Variants in C4BPA observed in about 807,000 individuals in gnomAD.
C4BPA encodes C4b-binding protein alpha chain.
In C4BPA, 31 loss-of-function variants were observed where a neutral mutation model predicts 63.7. That is an observed-to-expected ratio of 0.49 (90% CI 0.37 to 0.66). The LOEUF is 0.66. C4BPA is among the 30% of genes least tolerant of loss of function. The pLI is 0.00. For missense variants in C4BPA, 572 were observed against 723.3 expected, an observed-to-expected ratio of 0.79 and a Z score of 2.40; for synonymous variants, 259 against 254.7, an observed-to-expected ratio of 1.02 and a Z score of -0.16.
rs2808469 is a variant in C4BPA, at chr1:207,112,350, G to A, written c.-25-651G>A. Among the ~76,000 whole-genome samples the A allele has an allele frequency of 4.8e-4, 55 of 114,196 alleles. No individual in the cohort carries two copies. In the Middle Eastern group the frequency reaches 0.013, roughly 28 times the overall value. 74.9% of individuals were successfully genotyped at this position (114,196 alleles called of 152,430 possible). On this transcript the variant is annotated intron_variant, in intron 1 of 11. Transcript: ENST00000367070. ...TATCCCATCATTTTCCTGCCTTTTT[G>A]TTTTTTTTTTTTTTTTTTATGTTTG...
At chr1:207,123,129 A>G (rs1393932791) in intron 4 of C4BPA, among the ~76,000 whole-genome samples, 1 of 152,248 alleles carries the variant, frequency 6.6e-6, no homozygotes, top group Non-Finnish European at 1.5e-5. Context: ...CCATTGAAAC[A>G]ACCAGAAACA....
At position 207,144,565 on chromosome 1, in the gene C4BPA, C is replaced by T; in HGVS notation, c.1642C>T (p.Gln548Ter). Reference sequence around the variant, plus strand: ...TTAGGAGACCCCCGAAGGCTGTGAACAAGTGCTCACAGGCAAAAGACTCAT... The same window carrying T: ...TTAGGAGACCCCCGAAGGCTGTGAATAAGTGCTCACAGGCAAAAGACTCAT... ...CEWETPEGCE[Q>*]VLTGKRLMQC... Residue 548 changes from glutamine (Q) to a stop codon, truncating the protein, a stop_gained, in exon 12 of 12, where the codon CAA (glutamine) becomes TAA (stop). Transcript: ENST00000367070. LOFTEE classifies it low-confidence loss of function (END_TRUNC). 1 of 1,611,660 alleles carries T rather than the reference C, an allele frequency of 6.2e-7. No individual in the cohort carries two copies. The highest frequency in any genetic ancestry group is 8.5e-7 in the Non-Finnish European group (1 of 1,179,344).
At position 207,117,244 on chromosome 1, in the gene C4BPA, G is replaced by A. The variant is rs1684817329; in HGVS notation, c.428+1729G>A. On this transcript the variant is annotated intron_variant, in intron 4 of 11. Coordinates refer to ENST00000367070, the MANE Select transcript of C4BPA (RefSeq NM_000715.4). ...GTGGGAAGATCTCTTGAGTCCAGGAGTTCGAGACCAGCCCGGGCAACACAG... is the reference window on the plus strand; with the variant it reads ...GTGGGAAGATCTCTTGAGTCCAGGAATTCGAGACCAGCCCGGGCAACACAG... 3.3e-5 allele frequency among the ~76,000 whole-genome samples: 5 copies of A among 152,186 alleles called. No individual in the cohort carries two copies. In the South Asian group the frequency reaches 1.0e-3, roughly 31 times the overall value.
intron 9 of C4BPA, among the ~76,000 whole-genome samples, chr1:207,137,729 T>G (rs1049653735): frequency 6.6e-6 from 1 of 152,166 alleles, no homozygotes; most frequent in African/African-American, 2.4e-5. Context: ...GAGATTCTTG[T>G]GCCTCAGCCT....
intron 9 of C4BPA, among the ~76,000 whole-genome samples, chr1:207,136,751 G>C (rs1685287869): frequency 6.6e-6 from 1 of 152,126 alleles, no homozygotes; most frequent in African/African-American, 2.4e-5. Flanking sequence ...GAAAACATTA[G>C]AGGAATTGGA....
chr1:207,126,587 T>C, intron 6 of C4BPA, 126 bp from the exon 7 acceptor site: 1 of 611,346 alleles, frequency 1.6e-6, no homozygotes, highest in Non-Finnish European at 2.9e-6. Context: ...GTTTCCCTTG[T>C]ATCTACTTGA....
At position 207,113,145 on chromosome 1, in the gene C4BPA, T is replaced by C. The variant is rs761907282; in HGVS notation, c.120T>C (p.Ala40=). The C allele has an allele frequency of 3.1e-6, 5 of 1,610,894 alleles. No individual in the cohort carries two copies. In the African/African-American group the frequency reaches 4.0e-5, roughly 13 times the overall value. Residue 40 remains alanine (A), a synonymous_variant, in exon 2 of 12, where the codon GCT becomes GCC. Coordinates refer to ENST00000367070, the MANE Select transcript of C4BPA (RefSeq NM_000715.4). ...DPILFQMTLI[A]ALLPAVLGNC... ...TTCTCTTCCAAATGACCTTGATCGC[T>C]GCTCTGTTGCCTGCTGTTCTTGGTG...
intron 1 of C4BPA, 115 bp from the exon 2 acceptor site, chr1:207,112,886 G>T: frequency 1.0e-5 from 10 of 999,354 alleles, no homozygotes; most frequent in Middle Eastern, 3.2e-4. Context: ...TTTTTGTTTT[G>T]TTTCCACTCC....
chr1:207,124,820 A>G (rs1267663736), intron 6 of C4BPA, among the ~76,000 whole-genome samples: 1 of 152,156 alleles, frequency 6.6e-6, no homozygotes, highest in Non-Finnish European at 1.5e-5. Context: ...CCTGGCTAAG[A>G]GCTTTGGCCT....
rs1685059418 is a variant in C4BPA, at chr1:207,126,973, T to C, written c.889+78T>C. 4 of 953,332 alleles carry C rather than the reference T, an allele frequency of 4.2e-6. No homozygotes were observed. The South Asian group carries it at 5.2e-5, about 12-fold the overall frequency. The allele number at this position is 953,332 out of a possible 1,614,324, so 59.1% of individuals were successfully genotyped here. A position where few individuals can be genotyped will look rare whatever the true frequency, so the allele number is the denominator to read the frequency against. On this transcript the variant is annotated intron_variant, in intron 7 of 11. Transcript: ENST00000367070. ...TACTGTTAATACGGGTATACTTGCA[T>C]GCATAGGCCTACTATGAATTACAGT...
chr1:207,113,974 A>G (rs745859870), intron 2 of C4BPA, 126 bp from the exon 3 acceptor site: 10 of 736,364 alleles, frequency 1.4e-5, no homozygotes, highest in Non-Finnish European at 1.6e-5. Flanking sequence ...AGGAGTTATG[A>G]TTTTTCTTGA....
chr1:207,116,495 AGTGTGTGTGTGTGTGTGTATAT>A (rs1281888545), intron 4 of C4BPA, among the ~76,000 whole-genome samples: 5 of 124,506 alleles, frequency 4.0e-5, no homozygotes, highest in South Asian at 2.8e-4. Flanking sequence ...CTTTTCCCAC[AGTGTGTGTGTGTGTGTGTATAT>A]GTGTGTGTGT....
At chr1:207,124,693 T>C (rs1307950469) in intron 6 of C4BPA, among the ~76,000 whole-genome samples, 1 of 152,380 alleles carries the variant, frequency 6.6e-6, no homozygotes, top group East Asian at 1.9e-4. Context: ...AGCCGTAGTC[T>C]GTGTTAGCTT....
intron 1 of C4BPA, among the ~76,000 whole-genome samples, chr1:207,112,030 G>A (rs1684676704): frequency 1.3e-5 from 2 of 151,920 alleles, no homozygotes; most frequent in South Asian, 2.1e-4. Context: ...CCAAAGGAAA[G>A]GGACTTTTTC....
At chr1:207,138,444 T>A (rs1353838659) in intron 9 of C4BPA, among the ~76,000 whole-genome samples, 1 of 152,220 alleles carries the variant, frequency 6.6e-6, no homozygotes, top group East Asian at 1.9e-4. Context: ...TATCAGGACC[T>A]GGTAGCATGC....
chr1:207,115,445 C>A lies in C4BPA; in HGVS notation c.358C>A (p.Arg120Ser). 6.3e-7 allele frequency: 1 copy of A among 1,598,276 alleles called. No homozygotes were observed. The highest frequency in any genetic ancestry group is 8.5e-7 in the Non-Finnish European group (1 of 1,174,390). ...YKRCRHPGEL[R>S]NGQVEIKTDL... is the part of the protein sequence containing the mutation. ...ACGATGCAGACACCCAGGAGAGTTA[C>A]GTAATGGGCAAGTAGAGATTAAGAC... The change falls in exon 4 of 12, where the codon CGT becomes AGT. Residue 120 changes from arginine (R) to serine (S), a missense_variant. Arg to Ser is a moderately radical substitution (Grantham distance 110, BLOSUM62 -1). This residue lies in a region of C4BPA where 465 missense variants were observed against 629.4 expected (regional missense o/e 0.74). Coordinates refer to ENST00000367070, the MANE Select transcript of C4BPA (RefSeq NM_000715.4).
chr1:207,135,771 C>A (rs1225708663), intron 9 of C4BPA, among the ~76,000 whole-genome samples: 2 of 152,220 alleles, frequency 1.3e-5, no homozygotes, highest in African/African-American at 4.8e-5. Flanking sequence ...GCTGGCACTT[C>A]AACTGTGCCT....
At chr1:207,142,434 C>T (rs1398675562) in intron 10 of C4BPA, among the ~76,000 whole-genome samples, 1 of 152,078 alleles carries the variant, frequency 6.6e-6, no homozygotes, top group Non-Finnish European at 1.5e-5. Context: ...GGTATATGCC[C>T]AGTAATGGGA....
At chr1:207,121,296 T>C (rs1684917281) in intron 4 of C4BPA, among the ~76,000 whole-genome samples, 1 of 152,296 alleles carries the variant, frequency 6.6e-6, no homozygotes, top group Non-Finnish European at 1.5e-5. Context: ...TTTATTAAAA[T>C]TGCTGCTACA....
Sources: allele counts gnomAD v4.1 joint callset (sites outside exome capture counted in the v4.1 genomes callset), GRCh38; gene constraint gnomAD v4.1.1; regional missense constraint gnomAD v4.1.1; transcripts MANE v1.5; gene names NCBI Gene and HGNC (gene_info 2026-07-23, HGNC 2026-07-21).